GABRG2: variants seen among roughly 807,000 people sequenced by gnomAD.
GABRG2 encodes gamma-aminobutyric acid type A receptor subunit gamma2.
GABRG2 carries 16 observed loss-of-function variants against 56.4 expected under a neutral mutation model. That is an observed-to-expected ratio of 0.28 (90% CI 0.19 to 0.43). The LOEUF (loss-of-function observed/expected upper bound fraction) is 0.43, where lower values mean the gene tolerates loss of function less well. GABRG2 is among the 20% of genes least tolerant of loss of function. GABRG2 has a pLI of 1.00. For missense variants in GABRG2, 327 were observed against 582.7 expected, an observed-to-expected ratio of 0.56 and a Z score of 4.52; for synonymous variants, 208 against 205.5, an observed-to-expected ratio of 1.01 and a Z score of -0.10.
At chr5:162,122,756 A>G (rs1030144515) in intron 6 of GABRG2, among the ~76,000 whole-genome samples, 2 of 151,786 alleles carry the variant, frequency 1.3e-5, no homozygotes, top group Admixed American at 6.6e-5. Flanking sequence ...AAAGAAAAAT[A>G]GTATTCTTAT....
rs563808573 is a variant in GABRG2, at chr5:162,093,763, G to A, written c.108-65G>A. The A allele has an allele frequency of 2.9e-5, 40 of 1,376,948 alleles. No homozygotes were observed. The African/African-American group carries it at 5.4e-4, about 19-fold the overall frequency. 85.3% of individuals were successfully genotyped at this position (1,376,948 alleles called of 1,614,324 possible). A position where few individuals can be genotyped will look rare whatever the true frequency, so the allele number is the denominator to read the frequency against. ...TTTTATTTCTTCTTTTCCACTGGTG[G>A]TCTGTGGATAAAAGTCAACTTGTGT... On this transcript the variant is annotated intron_variant, in intron 1 of 9. Transcript: ENST00000639213.
intron 4 of GABRG2, chr5:162,100,254 C>T (rs193179240): frequency 3.4e-4 from 51 of 151,946 alleles, no homozygotes; most frequent in African/African-American, 1.1e-3. Context: ...GTAATTGCTC[C>T]GTTATATCAT....
At chr5:162,075,441 C>T (rs1759019470) in intron 1 of GABRG2, among the ~76,000 whole-genome samples, 1 of 152,034 alleles carries the variant, frequency 6.6e-6, no homozygotes, top group Admixed American at 6.6e-5. Flanking sequence ...CTTTACTTTG[C>T]CCTAGTACTT....
intron 6 of GABRG2, among the ~76,000 whole-genome samples, chr5:162,110,655 A>G (rs1375668094): frequency 6.6e-6 from 1 of 152,064 alleles, no homozygotes; most frequent in Non-Finnish European, 1.5e-5. Flanking sequence ...CAACAACAAC[A>G]ACAAAAACTA....
intron 8 of GABRG2, 78 bp downstream of exon 8, chr5:162,149,391 G>C: frequency 7.2e-7 from 1 of 1,384,092 alleles, no homozygotes; most frequent in South Asian, 1.2e-5. Context: ...CTATCTGCAG[G>C]CTAAGGCTCA....
intron 6 of GABRG2, among the ~76,000 whole-genome samples, chr5:162,139,357 A>T (rs1014715034): frequency 6.6e-6 from 1 of 152,190 alleles, no homozygotes; most frequent in Non-Finnish European, 1.5e-5. Context: ...CTTTAGCCCA[A>T]GAGTTTTCAG....
At chr5:162,117,888 T>C (rs776810020) in intron 6 of GABRG2, among the ~76,000 whole-genome samples, 1 of 152,124 alleles carries the variant, frequency 6.6e-6, no homozygotes, top group Non-Finnish European at 1.5e-5. Flanking sequence ...ATGATAATGA[T>C]GATGATGATG....
intron 6 of GABRG2, among the ~76,000 whole-genome samples, chr5:162,116,828 A>T (rs1410419617): frequency 6.6e-6 from 1 of 150,588 alleles, no homozygotes; most frequent in Non-Finnish European, 1.5e-5. Flanking sequence ...TGGGACCATA[A>T]CTTTGACAAA....
intron 5 of GABRG2, chr5:162,103,245 C>G (rs1761566596): frequency 6.5e-6 from 1 of 153,998 alleles, no homozygotes; most frequent in Non-Finnish European, 1.4e-5. Flanking sequence ...TCTCACCTCC[C>G]CAGTGTGATG....
chr5:162,145,495 G>A (rs1002722142), intron 7 of GABRG2, among the ~76,000 whole-genome samples: 2 of 152,226 alleles, frequency 1.3e-5, no homozygotes, highest in Admixed American at 1.3e-4. Flanking sequence ...TGTTGGTTGA[G>A]GAGACAATAT....
intron 1 of GABRG2, among the ~76,000 whole-genome samples, chr5:162,074,574 A>G (rs1758938506): frequency 6.6e-6 from 1 of 152,032 alleles, no homozygotes; most frequent in Non-Finnish European, 1.5e-5. Context: ...AACAAGCTGA[A>G]TATAATATGT....
intron 1 of GABRG2, among the ~76,000 whole-genome samples, chr5:162,080,137 T>C (rs1759535009): frequency 6.6e-6 from 1 of 152,196 alleles, no homozygotes; most frequent in Non-Finnish European, 1.5e-5. Context: ...TAAATGTTTA[T>C]TGAGTTTCTA....
chr5:162,092,871 T>C (rs1462989547), intron 1 of GABRG2, among the ~76,000 whole-genome samples: 1 of 152,108 alleles, frequency 6.6e-6, no homozygotes, highest in East Asian at 1.9e-4. Context: ...ATTCATTCAG[T>C]GTTGATAAAA....
At chr5:162,100,814 T>C (rs1761359093) in intron 4 of GABRG2, among the ~76,000 whole-genome samples, 1 of 152,160 alleles carries the variant, frequency 6.6e-6, no homozygotes, top group South Asian at 2.1e-4. Context: ...AAACAGAAGG[T>C]CCTGCTTTAA....
At chr5:162,086,462 A>G (rs1760121037) in intron 1 of GABRG2, among the ~76,000 whole-genome samples, 1 of 152,050 alleles carries the variant, frequency 6.6e-6, no homozygotes, top group Admixed American at 6.6e-5. Context: ...TATTAATGTT[A>G]TAAAAAGCAT....
intron 1 of GABRG2, among the ~76,000 whole-genome samples, chr5:162,074,924 T>C (rs1030832072): frequency 6.6e-6 from 1 of 151,834 alleles, no homozygotes; most frequent in Non-Finnish European, 1.5e-5. Flanking sequence ...CTTTTTATGG[T>C]GGACATTTAA....
chr5:162,149,287 G>A lies in GABRG2; in HGVS notation c.1102G>A (p.Asp368Asn). 6.2e-7 allele frequency: 1 copy of A among 1,613,970 alleles called. No homozygotes were observed. The highest frequency in any genetic ancestry group is 1.1e-5 in the South Asian group (1 of 91,052). Reference sequence around the variant, plus strand: ...TGTCAGCAACCGGAAACCAAGCAAGGACAAAGATAAAAAGAAGAAAAACCC... The same window carrying A: ...TGTCAGCAACCGGAAACCAAGCAAGAACAAAGATAAAAAGAAGAAAAACCC... Reference protein sequence around the residue: ...YFVSNRKPSKDKDKKKKNPLL... With the variant: ...YFVSNRKPSKNKDKKKKNPLL... Residue 368 changes from aspartate to asparagine, a missense_variant, in exon 8 of 10, where the codon GAC (aspartate) becomes AAC (asparagine). Transcript: ENST00000639213.
At chr5:162,149,806 G>T (rs774907650) in intron 8 of GABRG2, 5 of 363,544 alleles carry the variant, frequency 1.4e-5, no homozygotes, top group East Asian at 1.5e-4. Context: ...TACAGACGGG[G>T]TTTCACCATA....
chr5:162,138,982 C>T (rs1257609043), intron 6 of GABRG2, among the ~76,000 whole-genome samples: 3 of 151,812 alleles, frequency 2.0e-5, no homozygotes, highest in Non-Finnish European at 4.4e-5. Context: ...AATTTTAAAA[C>T]TATCGTATGG....
Sources: gnomAD v4.1 joint callset for allele counts (sites outside exome capture counted in the v4.1 genomes callset) on GRCh38, gnomAD v4.1.1 for gene constraint, MANE v1.5 for transcripts, NCBI Gene and HGNC (gene_info 2026-07-23, HGNC 2026-07-21) for gene names.